The following ATP8A2 variants were observed in gnomAD, a reference collection of about 807,000 sequenced individuals.
The protein encoded by ATP8A2 is phospholipid-transporting ATPase IB.
ATP8A2 carries 100 observed loss-of-function variants against 165.6 expected under a neutral mutation model. The ratio of observed to expected loss-of-function variants is 0.60; its 90% CI spans 0.51 to 0.71. The LOEUF is 0.71. Ranked by LOEUF, ATP8A2 falls within the 30% of genes least tolerant of loss-of-function variation. ATP8A2 has a pLI of 0.00. For synonymous variants in ATP8A2, 543 were observed against 548.8 expected, an observed-to-expected ratio of 0.99 and a Z score of 0.15; for missense variants, 1,227 against 1,479.5, an observed-to-expected ratio of 0.83 and a Z score of 2.80.
chr13:25,842,413 G>T (rs577196417), intron 30 of ATP8A2, among the ~76,000 whole-genome samples: 25 of 152,254 alleles, frequency 1.6e-4, no homozygotes, highest in Admixed American at 3.3e-4. Context: ...GGTGTCTCAC[G>T]CCTATAATCC....
At chr13:25,383,124 C>A (rs2137933809) in intron 1 of ATP8A2, among the ~76,000 whole-genome samples, 1 of 151,832 alleles carries the variant, frequency 6.6e-6, no homozygotes, top group South Asian at 2.1e-4. Context: ...CAGCTCACTA[C>A]AACCTCCTCC....
At chr13:25,535,676 G>A (rs1454610308) in intron 6 of ATP8A2, among the ~76,000 whole-genome samples, 5 of 152,048 alleles carry the variant, frequency 3.3e-5, no homozygotes, top group African/African-American at 1.2e-4. Flanking sequence ...TCAGCTGGGC[G>A]TGGTGGTGCG....
intron 24 of ATP8A2, among the ~76,000 whole-genome samples, chr13:25,597,577 C>T (rs7988939): frequency 0.16 from 24,180 of 152,120 alleles, 2,387 homozygotes; most frequent in Non-Finnish European, 0.24. Flanking sequence ...GACCTCAGTC[C>T]GACAATCACC....
At chr13:25,414,275 C>G (rs910067087) in intron 1 of ATP8A2, among the ~76,000 whole-genome samples, 2 of 148,814 alleles carry the variant, frequency 1.3e-5, no homozygotes, top group Non-Finnish European at 3.0e-5. Flanking sequence ...ACTGCAATCT[C>G]TGCCTCCCGG....
intron 2 of ATP8A2, among the ~76,000 whole-genome samples, chr13:25,480,229 C>A (rs2036130432): frequency 1.3e-5 from 2 of 151,030 alleles, no homozygotes; most frequent in African/African-American, 4.9e-5. Context: ...CTCCTCACTT[C>A]CCAGTAGGGG....
chr13:25,734,876 T>C (rs1323258195), intron 25 of ATP8A2, among the ~76,000 whole-genome samples: 1 of 152,074 alleles, frequency 6.6e-6, no homozygotes, highest in Non-Finnish European at 1.5e-5. Context: ...TGACCTCGAG[T>C]GATCCACCTG....
chr13:25,722,127 T>C, intron 25 of ATP8A2, among the ~76,000 whole-genome samples: 1 of 152,210 alleles, frequency 6.6e-6, no homozygotes, highest in Non-Finnish European at 1.5e-5. Context: ...CTTTTTGATA[T>C]TATGTGATGT....
rs532059213 is a variant in ATP8A2 at position 25,839,575 on chromosome 13, G to T, written c.2907G>T (p.Leu969Phe). The T allele has an allele frequency of 6.2e-7, 1 of 1,614,010 alleles. No individual in the cohort carries two copies. The highest frequency in any genetic ancestry group is 1.3e-5 in the African/African-American group (1 of 74,990). The stretch of plus-strand genomic sequence containing the variant: ...TCTGGGGTCACTGCATCAACGCCTT[G>T]GTCCACTCCCTCATCCTCTTCTGGT... ...KVFWGHCINA[L>F]VHSLILFWFP... is the part of the protein sequence containing the mutation. Residue 969 changes from leucine (L) to phenylalanine (F), a missense_variant, in exon 30 of 37, where the codon TTG becomes TTT. Physicochemically the swap from Leu to Phe is conservative, Grantham distance 22. Around this residue, in one of 5 missense-constraint regions of ATP8A2, gnomAD observed 260 missense variants for 245.1 expected, o/e 1.06. Transcript: ENST00000381655.
At chr13:25,755,634 C>T (rs1251836412) in intron 25 of ATP8A2, among the ~76,000 whole-genome samples, 1 of 152,150 alleles carries the variant, frequency 6.6e-6, no homozygotes, top group East Asian at 1.9e-4. Context: ...AGGCCGAGCA[C>T]GGTGGCTCAT....
chr13:25,497,426 GA>G (rs2036711686), intron 2 of ATP8A2, among the ~76,000 whole-genome samples: 2 of 152,158 alleles, frequency 1.3e-5, no homozygotes, highest in African/African-American at 4.8e-5. Flanking sequence ...AATGAAAATT[GA>G]GTTTGCACTA....
At chr13:25,732,459 T>G (rs932707513) in intron 25 of ATP8A2, among the ~76,000 whole-genome samples, 9 of 152,388 alleles carry the variant, frequency 5.9e-5, no homozygotes, top group African/African-American at 1.9e-4. Flanking sequence ...AAATTCTATG[T>G]ATTATTTAAA....
chr13:25,780,959 G>A (rs535234452), intron 27 of ATP8A2, among the ~76,000 whole-genome samples: 2 of 152,242 alleles, frequency 1.3e-5, no homozygotes, highest in African/African-American at 4.8e-5. Flanking sequence ...ATGAGAAAAG[G>A]CCTTACTGGC....
At chr13:25,434,835 G>C (rs535153881) in intron 1 of ATP8A2, among the ~76,000 whole-genome samples, 32 of 152,130 alleles carry the variant, frequency 2.1e-4, no homozygotes, top group South Asian at 4.1e-4. Context: ...TGCATACTTG[G>C]TATTTTCTCC....
chr13:25,455,995 T>C (rs561746540), intron 1 of ATP8A2, among the ~76,000 whole-genome samples: 20 of 152,266 alleles, frequency 1.3e-4, no homozygotes, highest in African/African-American at 4.3e-4. Flanking sequence ...TTCTTGTGTG[T>C]CTATCTGGCT....
intron 36 of ATP8A2, among the ~76,000 whole-genome samples, chr13:26,016,515 A>G (rs1054051129): frequency 1.3e-5 from 2 of 152,212 alleles, no homozygotes; most frequent in Admixed American, 1.3e-4. Context: ...AGACACAGGC[A>G]TGTTATGGAA....
At chr13:25,412,837 G>A (rs1276679408) in intron 1 of ATP8A2, among the ~76,000 whole-genome samples, 1 of 152,084 alleles carries the variant, frequency 6.6e-6, no homozygotes, top group Non-Finnish European at 1.5e-5. Context: ...TTTTTTTGGG[G>A]GGGGATGGAG....
chr13:25,611,171 TC>T (rs2138435889), intron 24 of ATP8A2, among the ~76,000 whole-genome samples: 1 of 152,246 alleles, frequency 6.6e-6, no homozygotes, highest in African/African-American at 2.4e-5. Flanking sequence ...GGCTAGGACT[TC>T]CAGTACTATG....
chr13:25,946,571 C>T (rs1593605819), intron 33 of ATP8A2, among the ~76,000 whole-genome samples: 1 of 152,138 alleles, frequency 6.6e-6, no homozygotes, highest in Admixed American at 6.5e-5. Flanking sequence ...GACTTAATTC[C>T]ACTCTCCTCA....
intron 27 of ATP8A2, among the ~76,000 whole-genome samples, chr13:25,812,805 C>T: frequency 6.6e-6 from 1 of 151,962 alleles, no homozygotes; most frequent in Non-Finnish European, 1.5e-5. Flanking sequence ...TTTCTATTCA[C>T]ACTAGCAAAG....
Sources: gnomAD v4.1 joint callset for allele counts (sites outside exome capture counted in the v4.1 genomes callset) on GRCh38, gnomAD v4.1.1 for gene constraint, gnomAD v4.1.1 regional missense constraint, MANE v1.5 for transcripts, NCBI Gene and HGNC (gene_info 2026-07-23, HGNC 2026-07-21) for gene names.